Variants in DPP10 observed in about 807,000 individuals in gnomAD.
The protein encoded by DPP10 is inactive dipeptidyl peptidase 10.
In DPP10, 33 loss-of-function variants were observed where a neutral mutation model predicts 120.9. The ratio of observed to expected loss-of-function variants is 0.27; its 90% confidence interval spans 0.21 to 0.37. The LOEUF is 0.37. Among genes scored for constraint, DPP10 ranks in the 10% least tolerant of loss-of-function variants. The pLI, the probability that DPP10 is intolerant of heterozygous loss-of-function variation, is 1.00. For synonymous variants in DPP10, 337 were observed against 326.1 expected, an observed-to-expected ratio of 1.03 and a Z score of -0.36; for missense variants, 816 against 942.8, an observed-to-expected ratio of 0.87 and a Z score of 1.76.
chr2:115,058,975 T>A (rs984278305), intron 1 of DPP10, among the ~76,000 whole-genome samples: 16 of 152,164 alleles, frequency 1.1e-4, no homozygotes, highest in African/African-American at 3.9e-4. Context: ...GATCTCTTAG[T>A]GACCCCAGGT....
intron 8 of DPP10, among the ~76,000 whole-genome samples, chr2:115,732,741 A>G (rs1288700381): frequency 1.3e-5 from 2 of 152,176 alleles, no homozygotes; most frequent in Admixed American, 1.3e-4. Context: ...ATTTAAGCAT[A>G]TAGAATAATG....
chr2:115,288,034 TG>T (rs1322096594), intron 1 of DPP10, among the ~76,000 whole-genome samples: 1 of 152,140 alleles, frequency 6.6e-6, no homozygotes, highest in Admixed American at 6.6e-5. Context: ...GGTAGATATT[TG>T]GTAGTGAGAT....
chr2:114,519,477 T>C (rs1246476968), intron 1 of DPP10, among the ~76,000 whole-genome samples: 2 of 152,248 alleles, frequency 1.3e-5, no homozygotes, highest in Non-Finnish European at 2.9e-5. Flanking sequence ...AGGTCTGAGA[T>C]ACCCAATGAT....
chr2:115,271,166 C>T (rs761833921), intron 1 of DPP10, among the ~76,000 whole-genome samples: 198 of 152,266 alleles, frequency 1.3e-3, no homozygotes, highest in Middle Eastern at 3.4e-3. Flanking sequence ...ATTCAATGTT[C>T]TTCTTTTTAG....
intron 1 of DPP10, among the ~76,000 whole-genome samples, chr2:114,965,526 A>G (rs1043710542): frequency 6.6e-6 from 1 of 152,130 alleles, no homozygotes; most frequent in Non-Finnish European, 1.5e-5. Context: ...AGATTAGGAG[A>G]GTAGATTTGG....
intron 1 of DPP10, among the ~76,000 whole-genome samples, chr2:114,818,471 TG>T (rs1558772479): frequency 6.6e-6 from 1 of 152,204 alleles, no homozygotes; most frequent in East Asian, 1.9e-4. Context: ...GTCCACCAAG[TG>T]GCTGCACGAA....
At chr2:115,044,191 C>T (rs751418553) in intron 1 of DPP10, among the ~76,000 whole-genome samples, 1 of 151,956 alleles carries the variant, frequency 6.6e-6, no homozygotes, top group Non-Finnish European at 1.5e-5. Flanking sequence ...GTAATTGACT[C>T]ACGCTTCTGC....
chr2:115,712,394 C>CCTCCTGCT (rs893143773), intron 7 of DPP10, among the ~76,000 whole-genome samples: 1 of 151,058 alleles, frequency 6.6e-6, no homozygotes, highest in African/African-American at 2.4e-5. Flanking sequence ...CCATGGTTCA[C>CCTCCTGCT]CTCCTGCTGT....
chr2:115,270,101 CACACACACACACAG>C (rs1328617309), intron 1 of DPP10, among the ~76,000 whole-genome samples: 3 of 144,124 alleles, frequency 2.1e-5, no homozygotes, highest in Non-Finnish European at 3.0e-5. Flanking sequence ...CACACACACA[CACACACACACACAG>C]ACACACACAC....
chr2:114,699,900 A>G (rs1004271092), intron 1 of DPP10, among the ~76,000 whole-genome samples: 1 of 152,116 alleles, frequency 6.6e-6, no homozygotes, highest in Admixed American at 6.6e-5. Context: ...ATTAGTTACG[A>G]TACTCTTAGA....
chr2:115,840,132 ATATGTGTACCATTAGGAATAATAAATAC>A (rs1689935786), intron 24 of DPP10, among the ~76,000 whole-genome samples: 1 of 151,612 alleles, frequency 6.6e-6, no homozygotes, highest in South Asian at 2.1e-4. Flanking sequence ...ATTTATAAAA[ATATGTGTACCATTAGGAATAATAAATAC>A]TATCCAGTAA....
chr2:115,419,592 A>G (rs772614660), intron 3 of DPP10, among the ~76,000 whole-genome samples: 1 of 152,128 alleles, frequency 6.6e-6, no homozygotes, highest in Non-Finnish European at 1.5e-5. Flanking sequence ...TCACATTTCA[A>G]CATGAGACTT....
intron 1 of DPP10, among the ~76,000 whole-genome samples, chr2:114,764,452 T>C (rs540102650): frequency 6.6e-6 from 1 of 151,986 alleles, no homozygotes; most frequent in African/African-American, 2.4e-5. Context: ...TTAGAATTGT[T>C]CCAGACTTTT....
Position 115,706,171 on chromosome 2 carries a change from G to T in DPP10, c.576+16250G>T, listed in dbSNP as rs573199860. 3.9e-5 allele frequency among the ~76,000 whole-genome samples: 6 copies of T among 152,026 alleles called. No individual in the cohort carries two copies. The South Asian group carries it at 1.2e-3, about 31-fold the overall frequency. ...TTGTGCAGGTATGTGGGACAAATAT[G>T]CAATTATGTTATATAATTTAAAGGA... On this transcript the variant is annotated intron_variant, in intron 7 of 25. Coordinates refer to ENST00000410059, the MANE Select transcript of DPP10 (RefSeq NM_020868.6).
Position 115,097,707 on chromosome 2 carries a change from A to G in DPP10, c.61-211532A>G, listed in dbSNP as rs186716291. Among the ~76,000 whole-genome samples, 19 of 152,314 alleles carry G rather than the reference A, an allele frequency of 1.2e-4. No individual in the cohort carries two copies. The East Asian group carries it at 3.3e-3, about 26-fold the overall frequency. ...TGACTCTTCCTAGGATAGAATATAGAGGTATGATTAGGTAACCTTAAGTGA... is the reference window on the plus strand; with the variant it reads ...TGACTCTTCCTAGGATAGAATATAGGGGTATGATTAGGTAACCTTAAGTGA... On this transcript the variant is annotated intron_variant, in intron 1 of 25. Coordinates refer to ENST00000410059, the MANE Select transcript of DPP10 (RefSeq NM_020868.6).
intron 10 of DPP10, among the ~76,000 whole-genome samples, chr2:115,752,329 C>G (rs992932983): frequency 6.6e-6 from 1 of 152,030 alleles, no homozygotes; most frequent in Non-Finnish European, 1.5e-5. Context: ...CATTTTGTTG[C>G]GTGTGAGTTG....
chr2:114,497,413 A>G (rs1199042962), intron 1 of DPP10, among the ~76,000 whole-genome samples: 1 of 97,774 alleles, frequency 1.0e-5, no homozygotes, highest in African/African-American at 3.0e-5. Flanking sequence ...ATATACACAT[A>G]CATATGCATC....
At chr2:114,799,753 A>G (rs1047296307) in intron 1 of DPP10, among the ~76,000 whole-genome samples, 2 of 152,218 alleles carry the variant, frequency 1.3e-5, no homozygotes, top group African/African-American at 4.8e-5. Context: ...ATGTCCCCTG[A>G]GAAATACCTA....
chr2:114,965,498 CTT>C (rs1698944650), intron 1 of DPP10, among the ~76,000 whole-genome samples: 1 of 151,936 alleles, frequency 6.6e-6, no homozygotes, highest in Non-Finnish European at 1.5e-5. Context: ...ATCAAGGAGA[CTT>C]TTGATATAAA....
Sources: gnomAD v4.1 joint callset for allele counts (sites outside exome capture counted in the v4.1 genomes callset) on GRCh38, gnomAD v4.1.1 for gene constraint, MANE v1.5 for transcripts, NCBI Gene and HGNC (gene_info 2026-07-23, HGNC 2026-07-21) for gene names.